Variants in NALCN observed in about 807,000 individuals in gnomAD.
NALCN encodes sodium leak channel NALCN.
A neutral mutation model predicts 225.3 loss-of-function variants in NALCN; 111 were observed. That is an observed-to-expected ratio of 0.49 (90% confidence interval 0.42 to 0.58). The LOEUF (loss-of-function observed/expected upper bound fraction) is 0.58, where lower values mean the gene tolerates loss of function less well. Among genes scored for constraint, NALCN ranks in the 20% least tolerant of loss-of-function variants. The probability of loss-of-function intolerance (pLI) is 0.00; values close to 1 mark genes in which losing one functional copy is unlikely to be tolerated. For synonymous variants in NALCN, 764 were observed against 769.0 expected (o/e 0.99, Z 0.11); for missense variants, 1,378 against 2,202.4 (o/e 0.63, Z 7.49).
At position 101,254,863 on chromosome 13, in the gene NALCN, C is replaced by T. The variant is rs55900116; in HGVS notation, c.1266+3580G>A. Among the ~76,000 whole-genome samples the T allele has an allele frequency of 5.7e-3, 750 of 131,410 alleles. 71 individuals carry two copies. The highest frequency in any genetic ancestry group is 0.02 in the African/African-American group (717 of 35,142). 86.2% of individuals were successfully genotyped at this position (131,410 alleles called of 152,430 possible). ...CCGAGATCCCGCCACTGCACTCCAG[C>T]CTGGGCGACAGAGCGAGACTCTGTC... is the stretch of plus-strand genomic sequence containing the variant. On this transcript the variant is annotated intron_variant, in intron 11 of 43. Coordinates refer to ENST00000251127, the MANE Select transcript of NALCN (RefSeq NM_052867.4).
chr13:101,157,854 G>A (rs1045879059), intron 15 of NALCN, among the ~76,000 whole-genome samples: 2 of 151,032 alleles, frequency 1.3e-5, no homozygotes, highest in African/African-American at 4.9e-5. Flanking sequence ...CTGGGTTCAA[G>A]CAATTCTCCT....
chr13:101,329,667 A>G (rs1199713639), intron 7 of NALCN, among the ~76,000 whole-genome samples: 1 of 152,230 alleles, frequency 6.6e-6, no homozygotes, highest in Admixed American at 6.5e-5. Context: ...AAGTATAAAA[A>G]TACATTTAGA....
chr13:101,350,427 C>T (rs1205962951), intron 6 of NALCN, among the ~76,000 whole-genome samples: 1 of 150,976 alleles, frequency 6.6e-6, no homozygotes, highest in East Asian at 2.0e-4. Flanking sequence ...CTCGGGGGAG[C>T]CACTCCAAGT....
intron 13 of NALCN, among the ~76,000 whole-genome samples, chr13:101,228,430 G>A (rs923834071): frequency 1.5e-4 from 23 of 152,118 alleles, no homozygotes; most frequent in Non-Finnish European, 4.4e-5. Context: ...ATTCCCATGT[G>A]TTGTGGAAGG....
intron 7 of NALCN, among the ~76,000 whole-genome samples, chr13:101,297,492 A>T (rs900916701): frequency 6.6e-5 from 10 of 152,154 alleles, no homozygotes; most frequent in African/African-American, 2.4e-4. Context: ...ATGTTCTTGA[A>T]CTTTAACCCC....
At chr13:101,060,275 G>GTATTTTTTT (rs2031760962) in intron 41 of NALCN, among the ~76,000 whole-genome samples, 1 of 79,854 alleles carries the variant, frequency 1.3e-5, no homozygotes, top group Non-Finnish European at 2.3e-5. Flanking sequence ...GGTGTTTTCT[G>GTATTTTTTT]TTTTTTTTTT....
chr13:101,239,651 G>A (rs868548490), intron 11 of NALCN, among the ~76,000 whole-genome samples: 1 of 151,936 alleles, frequency 6.6e-6, no homozygotes, highest in South Asian at 2.1e-4. Flanking sequence ...GAATCATCAG[G>A]AAGGTGGTTA....
At chr13:101,176,858 A>C (rs1431445619) in intron 14 of NALCN, among the ~76,000 whole-genome samples, 1 of 152,220 alleles carries the variant, frequency 6.6e-6, no homozygotes, top group Non-Finnish European at 1.5e-5. Flanking sequence ...CTACTCTTCA[A>C]GATGGCCTCC....
At chr13:101,133,855 AT>A (rs1227107055) in intron 17 of NALCN, among the ~76,000 whole-genome samples, 1 of 152,184 alleles carries the variant, frequency 6.6e-6, no homozygotes, top group East Asian at 1.9e-4. Flanking sequence ...TGTGAAGAGA[AT>A]TTTAGATGAT....
chr13:101,078,360 A>T (rs889691173), intron 34 of NALCN, among the ~76,000 whole-genome samples: 5 of 152,136 alleles, frequency 3.3e-5, no homozygotes, highest in African/African-American at 1.2e-4. Context: ...AGCCACAGAC[A>T]CTCAATACCA....
At chr13:101,372,991 C>A in intron 6 of NALCN, 1 of 280,528 alleles carries the variant, frequency 3.6e-6, no homozygotes, top group Non-Finnish European at 7.1e-6. Context: ...GGCTTATTAC[C>A]ACTATTCTAC....
At chr13:101,130,153 C>CT (rs535527138) in intron 17 of NALCN, among the ~76,000 whole-genome samples, 13 of 152,026 alleles carry the variant, frequency 8.6e-5, no homozygotes, top group East Asian at 1.9e-4. Flanking sequence ...TCTATATCTC[C>CT]TTTTTTCTCC....
At chr13:101,411,840 C>T (rs75875566) in intron 1 of NALCN, among the ~76,000 whole-genome samples, 287 of 152,112 alleles carry the variant, frequency 1.9e-3, no homozygotes, top group Non-Finnish European at 3.4e-3. Flanking sequence ...ACTGATATCA[C>T]TTGCCTAGTA....
At chr13:101,214,192 A>G (rs2040634490) in intron 13 of NALCN, among the ~76,000 whole-genome samples, 1 of 152,022 alleles carries the variant, frequency 6.6e-6, no homozygotes, top group Admixed American at 6.6e-5. Flanking sequence ...AACTATCGCA[A>G]GGACAGAAAA....
intron 7 of NALCN, among the ~76,000 whole-genome samples, chr13:101,340,047 C>T (rs1004823589): frequency 2.7e-5 from 4 of 150,638 alleles, no homozygotes; most frequent in African/African-American, 9.8e-5. Flanking sequence ...GCGGGTGGAT[C>T]ACGAGGTCAG....
intron 27 of NALCN, among the ~76,000 whole-genome samples, chr13:101,096,995 TG>T (rs992664122): frequency 4.0e-4 from 61 of 152,296 alleles, no homozygotes; most frequent in African/African-American, 1.3e-3. Context: ...TTTCTGTCCC[TG>T]GACCAGCATC....
At chr13:101,111,031 C>G (rs2035399995) in intron 19 of NALCN, 94 bp downstream of exon 19, 1 of 1,262,816 alleles carries the variant, frequency 7.9e-7, no homozygotes, top group African/African-American at 1.5e-5. Context: ...TGTCTGGCAG[C>G]CAGGGCTGAC....
chr13:101,059,836 G>T lies in NALCN; in HGVS notation c.4887C>A (p.Asp1629Glu). The T allele has an allele frequency of 6.2e-7, 1 of 1,614,000 alleles. No homozygotes were observed. Among genetic ancestry groups the T allele is most frequent in the Non-Finnish European group, 8.5e-7 (1 of 1,180,016 alleles). Reference sequence around the variant, plus strand: ...CCCATACCTCAGGTTGCATGCTGTTGTCCTGACTGTTGGCATTCGTGTCCT... The same window carrying T: ...CCCATACCTCAGGTTGCATGCTGTTTTCCTGACTGTTGGCATTCGTGTCCT... The part of the protein sequence containing the change: ...PSEDTNANSQ[D>E]NSMQPETSSQ... Residue 1629 changes from aspartate (D) to glutamate (E), a missense_variant, in exon 42 of 44, where the codon GAC (aspartate) becomes GAA (glutamate). Physicochemically the swap from Asp to Glu is conservative, Grantham distance 45. Coordinates refer to ENST00000251127, the MANE Select transcript of NALCN (RefSeq NM_052867.4).
In NALCN at chr13:101,089,332, G is replaced by A. The variant is rs1307715491; in HGVS notation, c.3489+331C>T. ...ACATTTAGTGAAAGTAATATTACCTGTAATTAGCGAATCACTTTCATCTAT... is the reference window on the plus strand; with the variant it reads ...ACATTTAGTGAAAGTAATATTACCTATAATTAGCGAATCACTTTCATCTAT... On this transcript the variant is annotated intron_variant, in intron 30 of 43. Transcript: ENST00000251127. The surrounding 1 kb of genome is among the most constrained non-coding windows in gnomAD (Gnocchi z 4.7). Among the ~76,000 whole-genome samples, 9 of 152,204 alleles carry A rather than the reference G, an allele frequency of 5.9e-5. No homozygotes were observed. Among genetic ancestry groups the A allele is most frequent in the African/African-American group, 2.2e-4 (9 of 41,448 alleles).
Sources: gnomAD v4.1 joint callset for allele counts (sites outside exome capture counted in the v4.1 genomes callset) on GRCh38, gnomAD v4.1.1 for gene constraint, Gnocchi (gnomAD v3.1) non-coding constraint, MANE v1.5 for transcripts, NCBI Gene and HGNC (gene_info 2026-07-23, HGNC 2026-07-21) for gene names.